PDZRN4: variants seen among roughly 807,000 people sequenced by gnomAD.
PDZRN4 encodes the protein PDZ domain containing ring finger 4, also known as PDZ domain-containing RING finger protein 4.
Under a neutral mutation model 99.0 loss-of-function variants are expected in PDZRN4, and 70 were observed. That is an observed-to-expected ratio of 0.71 (90% CI 0.58 to 0.86). The LOEUF (loss-of-function observed/expected upper bound fraction) is 0.86, where lower values mean the gene tolerates loss of function less well. PDZRN4 is among the 40% of genes least tolerant of loss of function. PDZRN4 has a pLI of 0.00. For missense variants in PDZRN4, 1,474 were observed against 1,331.2 expected, an observed-to-expected ratio of 1.11 and a Z score of -1.67; for synonymous variants, 551 against 501.6, an observed-to-expected ratio of 1.10 and a Z score of -1.32.
At chr12:41,406,328 A>G (rs1401490816) in intron 3 of PDZRN4, among the ~76,000 whole-genome samples, 4 of 106,140 alleles carry the variant, frequency 3.8e-5, no homozygotes, top group Non-Finnish European at 9.9e-5. Context: ...AAAATAAAAC[A>G]GTTTGGTTGA....
chr12:41,441,447 C>G (rs1952680358), intron 3 of PDZRN4, among the ~76,000 whole-genome samples: 1 of 152,122 alleles, frequency 6.6e-6, no homozygotes, highest in Non-Finnish European at 1.5e-5. Context: ...GTAACATAAA[C>G]TGAAACAGAA....
At chr12:41,272,126 T>TA (rs1951318422) in intron 3 of PDZRN4, among the ~76,000 whole-genome samples, 1 of 151,966 alleles carries the variant, frequency 6.6e-6, no homozygotes, top group African/African-American at 2.4e-5. Context: ...ACATAAACAA[T>TA]AAAAATCAAA....
intron 3 of PDZRN4, among the ~76,000 whole-genome samples, chr12:41,441,390 GT>G (rs1952679849): frequency 6.6e-6 from 1 of 152,144 alleles, no homozygotes; most frequent in Non-Finnish European, 1.5e-5. Context: ...AATTTGAATG[GT>G]TTGGCACAGC....
At chr12:41,309,613 G>T (rs1403129250) in intron 3 of PDZRN4, among the ~76,000 whole-genome samples, 1 of 152,010 alleles carries the variant, frequency 6.6e-6, no homozygotes, top group African/African-American at 2.4e-5. Flanking sequence ...TTAAAAATAT[G>T]ACTGTTAGAA....
rs11180955 is a variant in PDZRN4, at chr12:41,493,390, C to T, written c.844-13066C>T. Among the ~76,000 whole-genome samples the T allele has an allele frequency of 3.2e-3, 493 of 152,244 alleles. 17 individuals are homozygous for T. In the East Asian group the frequency reaches 0.088, roughly 27 times the overall value. ...TGTACAAAACTGTGCCCTTCTCCCC[C>T]ACTCTTCCAAATAAAGCTAAATAAA... On this transcript the variant is annotated intron_variant, in intron 3 of 9. Coordinates refer to ENST00000402685, the MANE Select transcript of PDZRN4 (RefSeq NM_001164595.2).
chr12:41,536,400 T>C (rs1186583841), intron 5 of PDZRN4, among the ~76,000 whole-genome samples: 4 of 152,068 alleles, frequency 2.6e-5, no homozygotes, highest in African/African-American at 7.2e-5. Context: ...AATAAAAAGA[T>C]CAGTGGTTTT....
At chr12:41,568,049 G>GATTTATTCCCTCA in intron 9 of PDZRN4, 150 bp downstream of exon 9, 1 of 586,604 alleles carries the variant, frequency 1.7e-6, no homozygotes. Flanking sequence ...CATCTCAAAT[G>GATTTATTCCCTCA]AAGCAGAGGG....
At chr12:41,517,024 A>G (rs1289347643) in intron 5 of PDZRN4, among the ~76,000 whole-genome samples, 1 of 152,050 alleles carries the variant, frequency 6.6e-6, no homozygotes, top group Non-Finnish European at 1.5e-5. Flanking sequence ...AAAGTTGGCA[A>G]CAGTTACCAC....
At chr12:41,464,819 A>G (rs986371248) in intron 3 of PDZRN4, among the ~76,000 whole-genome samples, 3 of 105,686 alleles carry the variant, frequency 2.8e-5, no homozygotes, top group African/African-American at 8.0e-5. Context: ...TGCCTGTTGT[A>G]CTTTTTTTTT....
At chr12:41,556,391 T>C (rs1939162891) in intron 7 of PDZRN4, among the ~76,000 whole-genome samples, 1 of 152,252 alleles carries the variant, frequency 6.6e-6, no homozygotes, top group Non-Finnish European at 1.5e-5. Flanking sequence ...TACAGCCTAC[T>C]ACACACACAC....
At position 41,468,723 on chromosome 12, in the gene PDZRN4, C is replaced by T. The variant is rs565635652; in HGVS notation, c.844-37733C>T. 5.9e-5 allele frequency among the ~76,000 whole-genome samples: 9 copies of T among 152,284 alleles called. No homozygotes were observed. In the South Asian group the frequency reaches 1.2e-3, roughly 21 times the overall value. On this transcript the variant is annotated intron_variant, in intron 3 of 9. Coordinates refer to ENST00000402685, the MANE Select transcript of PDZRN4 (RefSeq NM_001164595.2). ...AACTTACACTTGTTAGAATAACCTT[C>T]GCATACATTCATAATTTACAAAATT...
intron 3 of PDZRN4, among the ~76,000 whole-genome samples, chr12:41,280,409 T>C (rs1318154514): frequency 6.6e-6 from 1 of 152,100 alleles, no homozygotes; most frequent in Admixed American, 6.5e-5. Flanking sequence ...GGGAGCCAAG[T>C]AGTCTTCCTC....
intron 5 of PDZRN4, among the ~76,000 whole-genome samples, chr12:41,522,492 C>G (rs986091570): frequency 2.0e-5 from 3 of 152,092 alleles, no homozygotes; most frequent in African/African-American, 7.2e-5. Context: ...AACTAATTCA[C>G]AGACATAGAT....
chr12:41,444,169 A>T (rs1952703824), intron 3 of PDZRN4, among the ~76,000 whole-genome samples: 1 of 152,126 alleles, frequency 6.6e-6, no homozygotes. Flanking sequence ...TGCTACTCAG[A>T]TGCCTCTTTA....
At chr12:41,201,451 T>A (rs2120665137) in intron 3 of PDZRN4, among the ~76,000 whole-genome samples, 1 of 152,240 alleles carries the variant, frequency 6.6e-6, no homozygotes, top group African/African-American at 2.4e-5. Flanking sequence ...TTGATGTTCT[T>A]TTCCCCCAAC....
chr12:41,562,853 C>T (rs55724233), intron 7 of PDZRN4, among the ~76,000 whole-genome samples: 14,883 of 151,946 alleles, frequency 0.098, 1,838 homozygotes, highest in African/African-American at 0.27. Flanking sequence ...TTCAATTTTA[C>T]TCTATGTTAA....
chr12:41,413,615 A>G (rs912766632), intron 3 of PDZRN4, among the ~76,000 whole-genome samples: 1 of 152,170 alleles, frequency 6.6e-6, no homozygotes, highest in African/African-American at 2.4e-5. Context: ...GTTGCAGCAC[A>G]TATAATGTTT....
chr12:41,240,655 A>T (rs1383944016), intron 3 of PDZRN4, among the ~76,000 whole-genome samples: 1 of 152,184 alleles, frequency 6.6e-6, no homozygotes, highest in Admixed American at 6.5e-5. Context: ...GGAGGCTGGG[A>T]AGTTCAAGGT....
chr12:41,477,411 C>A (rs1937613261), intron 3 of PDZRN4, among the ~76,000 whole-genome samples: 1 of 152,096 alleles, frequency 6.6e-6, no homozygotes, highest in African/African-American at 2.4e-5. Flanking sequence ...TCATTATGGT[C>A]ATTAGTGGGC....
Sources: gnomAD v4.1 joint callset for allele counts (sites outside exome capture counted in the v4.1 genomes callset) on GRCh38, gnomAD v4.1.1 for gene constraint, MANE v1.5 for transcripts, NCBI Gene and HGNC (gene_info 2026-07-23, HGNC 2026-07-21) for gene names.